OR2M2: variants seen among roughly 807,000 people sequenced by gnomAD.
OR2M2 encodes olfactory receptor 2M2.
For missense variants in OR2M2, 467 were observed against 429.9 expected (o/e 1.09, Z -0.76); for synonymous variants, 168 against 151.7 (o/e 1.11, Z -0.79).
rs551961489 is a variant in OR2M2 at position 248,179,910 on chromosome 1, A to G, written c.-18-58A>G. ...CTACAGAATTTACCAAAATCACACG[A>G]TTTATAAGACACTGGGTAAATGTTT... is the stretch of plus-strand genomic sequence containing the variant. On this transcript the variant is annotated intron_variant, in intron 1 of 1. Coordinates refer to ENST00000641836, the MANE Select transcript of OR2M2 (RefSeq NM_001004688.2). The G allele has an allele frequency of 5.3e-6, 8 of 1,502,100 alleles. No homozygotes were observed. In the African/African-American group the frequency reaches 1.1e-4, roughly 21 times the overall value. The allele number at this position is 1,502,100 out of a possible 1,614,324, so 93.0% of individuals were successfully genotyped here. A position where few individuals can be genotyped will look rare whatever the true frequency, so the allele number is the denominator to read the frequency against.
rs751480119 is a variant in OR2M2, at chr1:248,180,949, C to A, written c.964C>A (p.Leu322Met). Reference sequence around the variant, plus strand: ...GTTACCTCATAAACTTTATGTTTTGCTGTTTGCTAAATTCTTCTTTCTAAT... The same window carrying A: ...GTTACCTCATAAACTTTATGTTTTGATGTTTGCTAAATTCTTCTTTCTAAT... The part of the protein sequence containing the change: ...SELPHKLYVL[L>M]FAKFFFLISI... Residue 322 changes from leucine (L) to methionine (M), a missense_variant, in exon 2 of 2, where the codon CTG becomes ATG. Physicochemically the swap from Leu to Met is conservative, Grantham distance 15. Transcript: ENST00000641836. The A allele has an allele frequency of 6.2e-7, 1 of 1,613,930 alleles. No individual in the cohort carries two copies. Among genetic ancestry groups the A allele is most frequent in the South Asian group, 1.1e-5 (1 of 91,076 alleles).
At chr1:248,177,475 T>A (rs1468964937) in intron 1 of OR2M2, among the ~76,000 whole-genome samples, 1 of 152,078 alleles carries the variant, frequency 6.6e-6, no homozygotes, top group Non-Finnish European at 1.5e-5. Context: ...ATGGTGGAAA[T>A]TTAAGATAAT....
Position 248,180,819 on chromosome 1 carries a change from C to T in OR2M2, c.834C>T (p.Tyr278=), listed in dbSNP as rs768205540. Residue 278 remains tyrosine, a synonymous_variant, in exon 2 of 2, where the codon TAC becomes TAT. Coordinates refer to ENST00000641836, the MANE Select transcript of OR2M2 (RefSeq NM_001004688.2). ...AGGACAAGATGGTGTCTGTATTCTA[C>T]ACCATCCTCACTCCCATGCTGAATC... ...PTQDKMVSVF[Y]TILTPMLNPL... 26 of 1,613,874 alleles carry T rather than the reference C, an allele frequency of 1.6e-5. No individual in the cohort carries two copies. The highest frequency in any genetic ancestry group is 2.1e-5 in the Non-Finnish European group (25 of 1,179,942).
Position 248,180,949 on chromosome 1 carries a change from C to T in OR2M2, c.964C>T (p.Leu322=). ...SELPHKLYVL[L]FAKFFFLISI... is the part of the protein sequence containing the mutation. ...GTTACCTCATAAACTTTATGTTTTG[C>T]TGTTTGCTAAATTCTTCTTTCTAAT... Residue 322 remains leucine, a synonymous_variant, in exon 2 of 2, where the codon CTG becomes TTG. Coordinates refer to ENST00000641836, the MANE Select transcript of OR2M2 (RefSeq NM_001004688.2). The T allele has an allele frequency of 1.9e-6, 3 of 1,613,928 alleles. No individual in the cohort carries two copies. In the African/African-American group the frequency reaches 4.0e-5, roughly 22 times the overall value.
chr1:248,179,295 C>G (rs1665896040), intron 1 of OR2M2, among the ~76,000 whole-genome samples: 1 of 152,128 alleles, frequency 6.6e-6, no homozygotes, highest in Admixed American at 6.5e-5. Context: ...TAACTAATTA[C>G]CGTCTTTACG....
chr1:248,175,491 C>T (rs1665848312), intron 1 of OR2M2, among the ~76,000 whole-genome samples: 1 of 152,082 alleles, frequency 6.6e-6, no homozygotes, highest in Non-Finnish European at 1.5e-5. Flanking sequence ...GTTCCATTCC[C>T]AGGATATATC....
In OR2M2 at chr1:248,180,050, C is replaced by T; in HGVS notation, c.65C>T (p.Pro22Leu). The T allele has an allele frequency of 1.2e-6, 2 of 1,613,940 alleles. No homozygotes were observed. The highest frequency in any genetic ancestry group is 1.7e-6 in the Non-Finnish European group (2 of 1,179,930). ...FILLGIFNHS[P>L]PHTFLFFLVL... The stretch of plus-strand genomic sequence containing the variant: ...CTCCTTGGAATCTTCAATCACAGCC[C>T]ACCACACACGTTCCTCTTCTTTCTG... Residue 22 changes from proline to leucine, a missense_variant, in exon 2 of 2, where the codon CCA (proline) becomes CTA (leucine). Coordinates refer to ENST00000641836, the MANE Select transcript of OR2M2 (RefSeq NM_001004688.2).
chr1:248,180,072 T>C lies in OR2M2; in HGVS notation c.87T>C (p.Phe29=). 1 of 1,614,070 alleles carries C rather than the reference T, an allele frequency of 6.2e-7. No individual in the cohort carries two copies. Among genetic ancestry groups the C allele is most frequent in the Non-Finnish European group, 8.5e-7 (1 of 1,179,968 alleles). The change falls in exon 2 of 2, where the codon TTT becomes TTC. Residue 29 remains phenylalanine, a synonymous_variant. Transcript: ENST00000641836. ...GCCCACCACACACGTTCCTCTTCTT[T>C]CTGGTCCTGGGCATCTTTTTAGTGG... The part of the protein sequence containing the change: ...NHSPPHTFLF[F]LVLGIFLVAF...
At position 248,180,489 on chromosome 1, in the gene OR2M2, T is replaced by C. The variant is rs567101109; in HGVS notation, c.504T>C (p.Phe168=). The C allele has an allele frequency of 6.5e-5, 105 of 1,613,896 alleles. No homozygotes were observed. The highest frequency in any genetic ancestry group is 5.5e-5 in the Non-Finnish European group (65 of 1,179,846). The change falls in exon 2 of 2, where the codon TTT becomes TTC. Residue 168 remains phenylalanine (F), a synonymous_variant. Transcript: ENST00000641836. Reference sequence around the variant, plus strand: ...CTGTAGCCACATTTTCCTTCTCCTTTTGTGGGTCTCGGGAAATAGCCCACT... The same window carrying C: ...CTGTAGCCACATTTTCCTTCTCCTTCTGTGGGTCTCGGGAAATAGCCCACT... ...IDAVATFSFS[F]CGSREIAHFF...
rs143719991 is a variant in OR2M2 at position 248,179,730 on chromosome 1, A to T, written c.-18-238A>T. Among the ~76,000 whole-genome samples the T allele has an allele frequency of 2.1e-3, 325 of 152,236 alleles. 4 individuals carry two copies. Among genetic ancestry groups the T allele is most frequent in the African/African-American group, 7.5e-3 (310 of 41,536 alleles). On this transcript the variant is annotated intron_variant, in intron 1 of 1. Coordinates refer to ENST00000641836, the MANE Select transcript of OR2M2 (RefSeq NM_001004688.2). ...TCATTTATTAGATATTTTTATTCTA[A>T]TTTTTCAATTGAAAAAGGATGCCCA...
chr1:248,176,414 G>T lies in OR2M2; in HGVS notation c.-19+1543G>T, dbSNP rs1419330373. On this transcript the variant is annotated intron_variant, in intron 1 of 1. Coordinates refer to ENST00000641836, the MANE Select transcript of OR2M2 (RefSeq NM_001004688.2). ...CAAAATTATGGAGTTGATTACAAAA[G>T]AAACAGTGTGAATTCAATAAAATAA... Among the ~76,000 whole-genome samples the T allele has an allele frequency of 2.0e-5, 3 of 151,998 alleles. No homozygotes were observed. In the East Asian group the frequency reaches 5.8e-4, roughly 29 times the overall value.
Position 248,180,423 on chromosome 1 carries a change from C to T in OR2M2, c.438C>T (p.Thr146=), listed in dbSNP as rs1394196768. 19 of 1,613,854 alleles carry T rather than the reference C, an allele frequency of 1.2e-5. No individual in the cohort carries two copies. Among genetic ancestry groups the T allele is most frequent in the Non-Finnish European group, 1.4e-5 (17 of 1,179,944 alleles). Reference sequence around the variant, plus strand: ...CTAAAATTTGTGGACTTATGGCTACCTTCTCCTGGATCCTGGGCTCTACAG... The same window carrying T: ...CTAAAATTTGTGGACTTATGGCTACTTTCTCCTGGATCCTGGGCTCTACAG... ...MNPKICGLMA[T]FSWILGSTDG... Residue 146 remains threonine, a synonymous_variant, in exon 2 of 2, where the codon ACC becomes ACT. Transcript: ENST00000641836.
At chr1:248,178,568 A>G (rs1029918412) in intron 1 of OR2M2, among the ~76,000 whole-genome samples, 1 of 152,098 alleles carries the variant, frequency 6.6e-6, no homozygotes, top group African/African-American at 2.4e-5. Flanking sequence ...TAGATGTACA[A>G]CCCTTTCCTG....
intron 1 of OR2M2, among the ~76,000 whole-genome samples, chr1:248,177,447 C>T (rs1450011825): frequency 6.6e-6 from 1 of 151,994 alleles, no homozygotes; most frequent in African/African-American, 2.4e-5. Context: ...ATACTGCAGA[C>T]TGACCTAAGG....
chr1:248,176,896 T>A (rs1665862788), intron 1 of OR2M2, among the ~76,000 whole-genome samples: 2 of 152,088 alleles, frequency 1.3e-5, no homozygotes, highest in African/African-American at 4.8e-5. Context: ...ATATCTAATT[T>A]TCATGAGAAA....
Position 248,174,888 on chromosome 1 carries a change from C to A in OR2M2, c.-19+17C>A, listed in dbSNP as rs1402797290. On this transcript the variant is annotated intron_variant, in intron 1 of 1. Coordinates refer to ENST00000641836, the MANE Select transcript of OR2M2 (RefSeq NM_001004688.2). The stretch of plus-strand genomic sequence containing the variant: ...TACTAAGAGGTAAGTTAACTAAGCC[C>A]AAGCAAGACTGTGTGGAAGCTAGCA... 1.3e-5 allele frequency: 2 copies of A among 152,084 alleles called. No individual in the cohort carries two copies. Among genetic ancestry groups the A allele is most frequent in the Non-Finnish European group, 2.9e-5 (2 of 67,996 alleles). 9.4% of individuals were successfully genotyped at this position (152,084 alleles called of 1,614,324 possible).
rs116165340 is a variant in OR2M2 at position 248,177,388 on chromosome 1, G to C, written c.-19+2517G>C. Among the ~76,000 whole-genome samples, 1,279 of 152,184 alleles carry C rather than the reference G, an allele frequency of 8.4e-3. 15 individuals carry two copies. Among genetic ancestry groups the C allele is most frequent in the African/African-American group, 0.028 (1,174 of 41,544 alleles). ...AAAGAACACTTTGCCAACTTAAAAA[G>C]ATATATAGGTATAAGCTAACTAGAC... is the stretch of plus-strand genomic sequence containing the variant. On this transcript the variant is annotated intron_variant, in intron 1 of 1. Coordinates refer to ENST00000641836, the MANE Select transcript of OR2M2 (RefSeq NM_001004688.2).
chr1:248,177,287 A>G lies in OR2M2; in HGVS notation c.-19+2416A>G, dbSNP rs1398704994. 4.6e-5 allele frequency among the ~76,000 whole-genome samples: 7 copies of G among 152,134 alleles called. 1 individual carries two copies. The highest frequency in any genetic ancestry group is 1.7e-4 in the African/African-American group (7 of 41,456). On this transcript the variant is annotated intron_variant, in intron 1 of 1. Transcript: ENST00000641836. ...AGAGTTTAAAACATATGTCGTAGAAATGTCTAAAAGGTAGAATAGAATTAC... is the reference window on the plus strand; with the variant it reads ...AGAGTTTAAAACATATGTCGTAGAAGTGTCTAAAAGGTAGAATAGAATTAC...
chr1:248,180,155 C>T lies in OR2M2; in HGVS notation c.170C>T (p.Thr57Ile). The T allele has an allele frequency of 6.2e-7, 1 of 1,614,134 alleles. No homozygotes were observed. Among genetic ancestry groups the T allele is most frequent in the Non-Finnish European group, 8.5e-7 (1 of 1,180,022 alleles). Residue 57 changes from threonine (T) to isoleucine (I), a missense_variant, in exon 2 of 2, where the codon ACC becomes ATC. Physicochemically the swap from Thr to Ile is moderately conservative, Grantham distance 89. Transcript: ENST00000641836. ...ATCTACCTGGACACCCAGCTCCACA[C>T]CCCCATGTACTTCCTCCTCAGCCAA... ...LLIYLDTQLH[T>I]PMYFLLSQLS...
Sources: allele counts gnomAD v4.1 joint callset (sites outside exome capture counted in the v4.1 genomes callset), GRCh38; gene constraint gnomAD v4.1.1; transcripts MANE v1.5; gene names NCBI Gene and HGNC (gene_info 2026-07-23, HGNC 2026-07-21).